The following PROM1 variants were observed in gnomAD, a reference collection of about 807,000 sequenced individuals.
The protein encoded by PROM1 is prominin 1, also known as prominin-1.
Under a neutral mutation model 116.9 loss-of-function variants are expected in PROM1, and 105 were observed. The ratio of observed to expected loss-of-function variants is 0.90; its 90% CI spans 0.77 to 1.06. The LOEUF is 1.06. Ranked by LOEUF, PROM1 falls within the 50% of genes least tolerant of loss-of-function variation. PROM1 has a pLI of 0.00. For synonymous variants in PROM1, 393 were observed against 387.0 expected, an observed-to-expected ratio of 1.02 and a Z score of -0.18; for missense variants, 1,122 against 1,045.2, an observed-to-expected ratio of 1.07 and a Z score of -1.01.
intron 25 of PROM1, 115 bp downstream of exon 25, chr4:15,979,766 C>A: frequency 9.4e-7 from 1 of 1,064,632 alleles, no homozygotes. Context: ...CTGTACAGAT[C>A]TGCTGTTTCT....
intron 2 of PROM1, among the ~76,000 whole-genome samples, chr4:16,060,735 G>T (rs1209417493): frequency 6.6e-6 from 1 of 151,920 alleles, no homozygotes; most frequent in Non-Finnish European, 1.5e-5. Context: ...AGTGAAGTAG[G>T]GTTATTTTAC....
chr4:16,004,914 C>CCTTT (rs1724958767), intron 13 of PROM1, among the ~76,000 whole-genome samples: 1 of 108,586 alleles, frequency 9.2e-6, no homozygotes, highest in Admixed American at 1.0e-4. Context: ...TCCCTTCCTT[C>CCTTT]CTTCCTTCCT....
rs114490586 is a variant in PROM1 at position 16,043,474 on chromosome 4, C to T, written c.221-4473G>A. Among the ~76,000 whole-genome samples the T allele has an allele frequency of 2.3e-3, 350 of 152,274 alleles. 1 individual carries two copies. Among genetic ancestry groups the T allele is most frequent in the African/African-American group, 8.0e-3 (332 of 41,556 alleles). On this transcript the variant is annotated intron_variant, in intron 2 of 27. Transcript: ENST00000447510. ...CACATCACACCCAGCTAAGCCTTGG[C>T]TTTTTCCGGGGAGAAATGCTCACTA...
At chr4:16,038,078 C>T (rs962937085) in intron 3 of PROM1, 3 of 152,228 alleles carry the variant, frequency 2.0e-5, no homozygotes, top group African/African-American at 7.2e-5. Flanking sequence ...CCCACCCATC[C>T]CACCGGCTCT....
intron 22 of PROM1, among the ~76,000 whole-genome samples, chr4:15,985,050 G>T (rs1718981194): frequency 6.6e-6 from 1 of 152,134 alleles, no homozygotes; most frequent in Admixed American, 6.5e-5. Context: ...CCTGAATTCT[G>T]CATCCATGGA....
intron 26 of PROM1, among the ~76,000 whole-genome samples, chr4:15,975,198 A>G (rs577674390): frequency 3.3e-4 from 51 of 152,302 alleles, no homozygotes; most frequent in Non-Finnish European, 6.5e-4. Context: ...GAACCCTCAC[A>G]ACCCTACGCA....
intron 2 of PROM1, among the ~76,000 whole-genome samples, chr4:16,050,066 G>T (rs1737494661): frequency 6.6e-6 from 1 of 151,816 alleles, no homozygotes; most frequent in Non-Finnish European, 1.5e-5. Flanking sequence ...TTCGAGACCA[G>T]CCTGGCCAAC....
intron 2 of PROM1, among the ~76,000 whole-genome samples, chr4:16,044,610 G>A (rs368076032): frequency 9.5e-4 from 144 of 152,262 alleles, no homozygotes; most frequent in African/African-American, 3.2e-3. Flanking sequence ...AAACAACACT[G>A]TTCAAGTGAA....
chr4:16,002,087 T>A (rs925904428), intron 13 of PROM1, among the ~76,000 whole-genome samples: 12 of 152,106 alleles, frequency 7.9e-5, no homozygotes, highest in African/African-American at 2.7e-4. Context: ...GGAAGTTGCA[T>A]GATGGCTTCT....
intron 17 of PROM1, 124 bp from the exon 18 acceptor site, chr4:15,991,417 C>G: frequency 1.7e-6 from 1 of 605,306 alleles, no homozygotes; most frequent in Middle Eastern, 3.4e-4. Flanking sequence ...AGGTCAGAAA[C>G]TCTTAAACAG....
rs141581553 is a variant in PROM1, at chr4:15,979,085, T to C, written c.2582+310A>G. Among the ~76,000 whole-genome samples the C allele has an allele frequency of 4.0e-4, 61 of 152,262 alleles. 1 individual carries two copies. The highest frequency in any genetic ancestry group is 2.5e-3 in the South Asian group (12 of 4,824). The stretch of plus-strand genomic sequence containing the variant: ...TGAAAACTGTAACTACTCAGGTTAT[T>C]TGGTGCAGAGAAATTCTAAATGCAA... On this transcript the variant is annotated intron_variant, in intron 26 of 27. Coordinates refer to ENST00000447510, the MANE Select transcript of PROM1 (RefSeq NM_006017.3).
intron 2 of PROM1, chr4:16,055,170 C>T (rs1450816071): frequency 3.3e-6 from 1 of 298,804 alleles, no homozygotes; most frequent in Non-Finnish European, 6.8e-6. Flanking sequence ...GATCTAAGAA[C>T]CTAGCATTCT....
At chr4:16,074,698 C>T (rs1011265365) in intron 2 of PROM1, among the ~76,000 whole-genome samples, 6 of 152,090 alleles carry the variant, frequency 3.9e-5, no homozygotes, top group Non-Finnish European at 7.4e-5. Context: ...TGTTAAAAAA[C>T]CAATACAAAT....
At chr4:16,022,438 T>C (rs1730145093) in intron 8 of PROM1, among the ~76,000 whole-genome samples, 1 of 152,180 alleles carries the variant, frequency 6.6e-6, no homozygotes, top group Non-Finnish European at 1.5e-5. Context: ...GCCTTTCAAT[T>C]AGTTAGGACT....
chr4:15,972,340 G>A (rs1247991439), intron 26 of PROM1, among the ~76,000 whole-genome samples: 10 of 152,184 alleles, frequency 6.6e-5, no homozygotes, highest in Non-Finnish European at 1.5e-4. Flanking sequence ...TGAAGGCCAC[G>A]AAGTCCAAGA....
chr4:15,973,012 A>C (rs1337791409), intron 26 of PROM1, among the ~76,000 whole-genome samples: 1 of 152,154 alleles, frequency 6.6e-6, no homozygotes, highest in East Asian at 1.9e-4. Flanking sequence ...GAAACATCAC[A>C]CAAGGGAAGG....
At chr4:15,970,508 TA>T (rs1714218650) in intron 27 of PROM1, among the ~76,000 whole-genome samples, 2 of 150,994 alleles carry the variant, frequency 1.3e-5, no homozygotes, top group Non-Finnish European at 3.0e-5. Flanking sequence ...TCTTTTTAAG[TA>T]AAAAAATTTT....
At chr4:16,016,283 TCAAAACAATTCCTCATGAAG>T (rs776756757) in intron 9 of PROM1, 43 bp from the exon 10 acceptor site, 1 of 1,420,974 alleles carries the variant, frequency 7.0e-7, no homozygotes, top group East Asian at 2.5e-5. Context: ...GTTGTTACCT[TCAAAACAATTCCTCATGAAG>T]AAAGAAGTCA....
At chr4:16,076,332 C>G (rs1397391309) in intron 1 of PROM1, 1 of 174,058 alleles carries the variant, frequency 5.7e-6, no homozygotes, top group African/African-American at 2.4e-5. Flanking sequence ...TCAGGAGGGC[C>G]AGACTCAGAA....
Sources: allele counts gnomAD v4.1 joint callset (sites outside exome capture counted in the v4.1 genomes callset), GRCh38; gene constraint gnomAD v4.1.1; transcripts MANE v1.5; gene names NCBI Gene and HGNC (gene_info 2026-07-23, HGNC 2026-07-21).